HECW2: variants seen among roughly 807,000 people sequenced by gnomAD.
HECW2 encodes HECT, C2 and WW domain containing E3 ubiquitin protein ligase 2.
In HECW2, 61 loss-of-function variants were observed where a neutral mutation model predicts 175.2. The observed-to-expected ratio is 0.35, with a 90% confidence interval of 0.28 to 0.43. The LOEUF (loss-of-function observed/expected upper bound fraction) is 0.43. HECW2 is among the 20% of genes least tolerant of loss of function. The pLI is 1.00. For missense variants in HECW2, 1,524 were observed against 2,000.5 expected (o/e 0.76, Z 4.54); for synonymous variants, 671 against 731.0 (o/e 0.92, Z 1.32).
intron 2 of HECW2, among the ~76,000 whole-genome samples, chr2:196,353,737 C>T (rs1004972895): frequency 3.3e-5 from 5 of 152,190 alleles, no homozygotes; most frequent in Admixed American, 2.0e-4. Context: ...CCCATTGATT[C>T]TTTCTGAATA....
intron 2 of HECW2, among the ~76,000 whole-genome samples, chr2:196,422,734 C>A (rs1016285732): frequency 6.6e-6 from 1 of 152,100 alleles, no homozygotes; most frequent in African/African-American, 2.4e-5. Flanking sequence ...CTCTTACTTT[C>A]TAAGAGCATT....
chr2:196,548,928 G>C (rs1689516586), intron 1 of HECW2, among the ~76,000 whole-genome samples: 2 of 151,846 alleles, frequency 1.3e-5, no homozygotes, highest in Non-Finnish European at 1.5e-5. Flanking sequence ...ACTGGATTAG[G>C]GCCCACCCTA....
At chr2:196,423,218 C>T (rs749853321) in intron 2 of HECW2, among the ~76,000 whole-genome samples, 32 of 152,086 alleles carry the variant, frequency 2.1e-4, no homozygotes, top group Non-Finnish European at 7.4e-5. Context: ...AATAACCTTA[C>T]AATCTGCCCA....
intron 20 of HECW2, among the ~76,000 whole-genome samples, chr2:196,241,228 G>A (rs889524502): frequency 5.3e-5 from 8 of 152,212 alleles, no homozygotes; most frequent in Non-Finnish European, 1.0e-4. Flanking sequence ...TGATAGGGAG[G>A]CTGAATGCAT....
chr2:196,379,899 A>C (rs1432611507), intron 2 of HECW2, among the ~76,000 whole-genome samples: 5 of 214 alleles, frequency 0.023, no homozygotes, highest in African/African-American at 0.052. Flanking sequence ...ATTCTCCAGC[A>C]AAAAAAAAAA....
chr2:196,259,068 G>C (rs1575311372), intron 17 of HECW2, among the ~76,000 whole-genome samples: 1 of 152,128 alleles, frequency 6.6e-6, no homozygotes, highest in Non-Finnish European at 1.5e-5. Context: ...CTGCCTCCTG[G>C]GTTCAAATGA....
At chr2:196,289,318 T>C (rs575613947) in intron 14 of HECW2, 2 of 152,246 alleles carry the variant, frequency 1.3e-5, no homozygotes, top group East Asian at 3.9e-4. Context: ...AACTTCATAA[T>C]AGTTAATAGC....
chr2:196,313,811 G>A (rs1691589176), intron 10 of HECW2, among the ~76,000 whole-genome samples: 1 of 152,168 alleles, frequency 6.6e-6, no homozygotes, highest in Admixed American at 6.5e-5. Flanking sequence ...CAGCACTTTG[G>A]GAGGCCAAGG....
intron 1 of HECW2, among the ~76,000 whole-genome samples, chr2:196,493,065 A>G (rs1428598291): frequency 6.6e-6 from 1 of 152,170 alleles, no homozygotes; most frequent in Non-Finnish European, 1.5e-5. Context: ...TATTTCTAAT[A>G]AGATCGAAAT....
intron 19 of HECW2, among the ~76,000 whole-genome samples, chr2:196,245,585 C>G (rs1444592119): frequency 6.6e-6 from 1 of 152,114 alleles, no homozygotes; most frequent in Non-Finnish European, 1.5e-5. Context: ...GTTTATGGCA[C>G]TTTATGCAGT....
intron 2 of HECW2, among the ~76,000 whole-genome samples, chr2:196,372,495 G>A (rs1329212135): frequency 6.6e-6 from 1 of 152,174 alleles, no homozygotes; most frequent in Non-Finnish European, 1.5e-5. Flanking sequence ...CCCTTTCCAA[G>A]TTAAACATGG....
intron 2 of HECW2, among the ~76,000 whole-genome samples, chr2:196,426,615 C>T (rs899859778): frequency 2.0e-5 from 3 of 151,796 alleles, no homozygotes; most frequent in African/African-American, 7.3e-5. Context: ...AACACTATAG[C>T]CAATCATCTA....
At position 196,433,235 on chromosome 2, in the gene HECW2, G is replaced by A. The variant is rs149975261; in HGVS notation, c.189C>T (p.Ala63=). Residue 63 remains alanine (A), a synonymous_variant, in exon 2 of 29, where the codon GCC becomes GCT. Coordinates refer to ENST00000644978, the MANE Select transcript of HECW2 (RefSeq NM_001348768.2). ...GCCCCAGCGTGTACTCGTACATGCT[G>A]GCAGTTAAGCTGGAGCGGCTCTCAG... ...VTSESRSSLT[A]SMYEYTLGQA... is the part of the protein sequence containing the mutation. 139 of 1,614,162 alleles carry A rather than the reference G, an allele frequency of 8.6e-5. 1 individual carries two copies. The African/African-American group carries it at 1.7e-3, about 20-fold the overall frequency.
chr2:196,396,131 T>G (rs1694655472), intron 2 of HECW2, among the ~76,000 whole-genome samples: 1 of 152,182 alleles, frequency 6.6e-6, no homozygotes, highest in African/African-American at 2.4e-5. Context: ...GGACAAATAT[T>G]GTATGATTCC....
At chr2:196,472,345 G>T (rs564196290) in intron 1 of HECW2, among the ~76,000 whole-genome samples, 31 of 151,286 alleles carry the variant, frequency 2.0e-4, no homozygotes, top group Middle Eastern at 3.4e-3. Context: ...TTTGGGGGTG[G>T]TCAGGGGCGG....
chr2:196,215,899 C>T lies in HECW2; in HGVS notation c.4573G>A (p.Val1525Met), dbSNP rs559297514. Residue 1525 changes from valine (V) to methionine (M), a missense_variant, in exon 28 of 29, where the codon GTG becomes ATG. Coordinates refer to ENST00000644978, the MANE Select transcript of HECW2 (RefSeq NM_001348768.2). Reference sequence around the variant, plus strand: ...GCAGTGATTTTCCCCCATTTCTCCACACAGAATCTTCTTGGGCCGTTACTC... The same window carrying T: ...GCAGTGATTTTCCCCCATTTCTCCATACAGAATCTTCTTGGGCCGTTACTC... ...RGSNGPRRFC[V>M]EKWGKITALP... 6.2e-7 allele frequency: 1 copy of T among 1,613,900 alleles called. No individual in the cohort carries two copies. The highest frequency in any genetic ancestry group is 2.2e-5 in the East Asian group (1 of 44,882).
chr2:196,563,808 A>G (rs1690088064), intron 1 of HECW2, among the ~76,000 whole-genome samples: 1 of 152,210 alleles, frequency 6.6e-6, no homozygotes, highest in Non-Finnish European at 1.5e-5. Flanking sequence ...AAGTTCTTGC[A>G]AAATGCTATC....
At chr2:196,376,231 C>A (rs952193325) in intron 2 of HECW2, among the ~76,000 whole-genome samples, 7 of 152,166 alleles carry the variant, frequency 4.6e-5, no homozygotes, top group Non-Finnish European at 7.4e-5. Context: ...ATTTAAACAA[C>A]AATTTGAAGA....
chr2:196,240,375 C>CACAGCG, intron 21 of HECW2, 74 bp downstream of exon 21: 1 of 1,084,808 alleles, frequency 9.2e-7, no homozygotes. Flanking sequence ...TTCAGGCAAC[C>CACAGCG]ACAGCGACGT....
Sources: allele counts gnomAD v4.1 joint callset (sites outside exome capture counted in the v4.1 genomes callset), GRCh38; gene constraint gnomAD v4.1.1; transcripts MANE v1.5; gene names NCBI Gene and HGNC (gene_info 2026-07-23, HGNC 2026-07-21).